Variants in IQCJ observed in about 807,000 individuals in gnomAD.
IQCJ encodes the protein IQ domain-containing protein J.
Under a neutral mutation model 11.0 loss-of-function variants are expected in IQCJ, and 9 were observed. The ratio of observed to expected loss-of-function variants is 0.82; its 90% CI spans 0.49 to 1.43. The LOEUF is 1.43. Among genes scored for constraint, IQCJ ranks in the 40% most tolerant of loss-of-function variants. The pLI, the probability that IQCJ is intolerant of heterozygous loss-of-function variation, is 0.00. For missense variants in IQCJ, 146 were observed against 133.2 expected (o/e 1.10, Z -0.47); for synonymous variants, 55 against 51.3 (o/e 1.07, Z -0.31).
intron 1 of IQCJ, among the ~76,000 whole-genome samples, chr3:159,158,599 A>G (rs1721664530): frequency 6.6e-6 from 1 of 152,232 alleles, no homozygotes; most frequent in Non-Finnish European, 1.5e-5. Context: ...GGACTGTTGA[A>G]GTCAAGGATT....
At chr3:159,124,681 C>A (rs771496821) in intron 1 of IQCJ, among the ~76,000 whole-genome samples, 40 of 152,248 alleles carry the variant, frequency 2.6e-4, no homozygotes, top group Middle Eastern at 3.4e-3. Context: ...TTACTGTGTT[C>A]TATAAGGTCA....
At chr3:159,185,910 A>G (rs1330152874) in intron 1 of IQCJ, among the ~76,000 whole-genome samples, 4 of 152,222 alleles carry the variant, frequency 2.6e-5, no homozygotes, top group Non-Finnish European at 4.4e-5. Context: ...CACTTCTGCT[A>G]TATTTTATTT....
intron 1 of IQCJ, among the ~76,000 whole-genome samples, chr3:159,217,944 C>T (rs1725325059): frequency 1.3e-5 from 2 of 152,040 alleles, no homozygotes; most frequent in African/African-American, 4.8e-5. Context: ...AAGAAAGCTC[C>T]TTGAGGACAG....
chr3:159,261,512 G>A (rs1291008838), intron 3 of IQCJ, among the ~76,000 whole-genome samples: 1 of 152,220 alleles, frequency 6.6e-6, no homozygotes, highest in African/African-American at 2.4e-5. Context: ...ATGCCGTTCT[G>A]TTGATAGTGA....
At chr3:159,121,177 A>C (rs1256487132) in intron 1 of IQCJ, among the ~76,000 whole-genome samples, 1 of 148,810 alleles carries the variant, frequency 6.7e-6, no homozygotes, top group Non-Finnish European at 1.5e-5. Context: ...ACTGTTGCCC[A>C]GGCTGAAGTT....
intron 1 of IQCJ, chr3:159,069,994 G>T (rs1368794423): frequency 7.8e-5 from 19 of 244,976 alleles, no homozygotes; most frequent in Non-Finnish European, 1.5e-4. Context: ...TTAAAACTCA[G>T]TAAGCACTGA....
chr3:159,086,200 C>G (rs1716755705), intron 1 of IQCJ, among the ~76,000 whole-genome samples: 1 of 152,100 alleles, frequency 6.6e-6, no homozygotes, highest in African/African-American at 2.4e-5. Flanking sequence ...TTGTTTTTCT[C>G]AGGTTTGTCA....
intron 1 of IQCJ, among the ~76,000 whole-genome samples, chr3:159,114,656 C>T (rs1718852371): frequency 6.6e-6 from 1 of 152,126 alleles, no homozygotes; most frequent in Non-Finnish European, 1.5e-5. Context: ...TCGGAACTCC[C>T]TTTGCACTCT....
intron 1 of IQCJ, among the ~76,000 whole-genome samples, chr3:159,225,332 C>T (rs554629342): frequency 2.0e-4 from 31 of 151,778 alleles, no homozygotes; most frequent in Admixed American, 1.3e-3. Flanking sequence ...CTTAAAATAA[C>T]GAAATCATAG....
At chr3:159,195,212 C>T (rs1329043495) in intron 1 of IQCJ, among the ~76,000 whole-genome samples, 1 of 152,150 alleles carries the variant, frequency 6.6e-6, no homozygotes, top group African/African-American at 2.4e-5. Flanking sequence ...CCTGAGGATC[C>T]AGTCCTACAT....
chr3:159,170,078 A>C (rs1158668765), intron 1 of IQCJ, among the ~76,000 whole-genome samples: 1 of 152,198 alleles, frequency 6.6e-6, no homozygotes, highest in East Asian at 1.9e-4. Flanking sequence ...GTCTTTGATC[A>C]TCTGATAGAA....
chr3:159,230,034 C>T (rs760983707), intron 1 of IQCJ, among the ~76,000 whole-genome samples: 2 of 149,860 alleles, frequency 1.3e-5, no homozygotes, highest in South Asian at 2.1e-4. Context: ...ATCCCATGTC[C>T]TTCTCCTCCT....
chr3:159,133,352 C>A (rs543095869), intron 1 of IQCJ, among the ~76,000 whole-genome samples: 2 of 152,188 alleles, frequency 1.3e-5, no homozygotes, highest in South Asian at 4.1e-4. Flanking sequence ...ATAAAAATTT[C>A]ATTGTCTTAG....
At chr3:159,117,944 A>T (rs1368108366) in intron 1 of IQCJ, among the ~76,000 whole-genome samples, 1 of 152,186 alleles carries the variant, frequency 6.6e-6, no homozygotes, top group Non-Finnish European at 1.5e-5. Flanking sequence ...TTACTCCGTG[A>T]TGCGCCTTAC....
intron 1 of IQCJ, among the ~76,000 whole-genome samples, chr3:159,112,615 C>T (rs1189411036): frequency 6.6e-6 from 1 of 152,120 alleles, no homozygotes; most frequent in Non-Finnish European, 1.5e-5. Context: ...CATTAGTTCT[C>T]TTGGTGTGAA....
intron 1 of IQCJ, among the ~76,000 whole-genome samples, chr3:159,225,315 G>A (rs976695223): frequency 3.3e-5 from 5 of 151,962 alleles, no homozygotes; most frequent in Non-Finnish European, 5.9e-5. Context: ...AAATTCACTC[G>A]AATATTCTTA....
intron 1 of IQCJ, among the ~76,000 whole-genome samples, chr3:159,071,317 A>G (rs1715545760): frequency 6.6e-6 from 1 of 151,924 alleles, no homozygotes; most frequent in Admixed American, 6.6e-5. Context: ...ATACTCATAT[A>G]TTGTTCTGTG....
At chr3:159,075,689 A>C (rs1241692861) in intron 1 of IQCJ, among the ~76,000 whole-genome samples, 1 of 152,146 alleles carries the variant, frequency 6.6e-6, no homozygotes, top group Admixed American at 6.6e-5. Context: ...CTGTGTATGT[A>C]GACATTTGTA....
At chr3:159,141,732 C>T (rs1021137567) in intron 1 of IQCJ, among the ~76,000 whole-genome samples, 2 of 152,092 alleles carry the variant, frequency 1.3e-5, no homozygotes, top group African/African-American at 4.8e-5. Context: ...CTTACCAAAG[C>T]CATATTTTTC....
Sources: gnomAD v4.1 joint callset for allele counts (sites outside exome capture counted in the v4.1 genomes callset) on GRCh38, gnomAD v4.1.1 for gene constraint, MANE v1.5 for transcripts, NCBI Gene and HGNC (gene_info 2026-07-23, HGNC 2026-07-21) for gene names.